PTPRS: variants seen among roughly 807,000 people sequenced by gnomAD.
PTPRS encodes protein tyrosine phosphatase receptor type S.
Under a neutral mutation model 215.3 loss-of-function variants are expected in PTPRS, and 63 were observed. The ratio of observed to expected loss-of-function variants is 0.29; its 90% CI spans 0.24 to 0.36. The LOEUF (loss-of-function observed/expected upper bound fraction) is 0.36, where lower values mean the gene tolerates loss of function less well. Among genes scored for constraint, PTPRS ranks in the 10% least tolerant of loss-of-function variants. The pLI, the probability that PTPRS is intolerant of heterozygous loss-of-function variation, is 1.00. For missense variants in PTPRS, 2,258 were observed against 2,825.8 expected (o/e 0.80, Z 4.56); for synonymous variants, 1,404 against 1,191.4 (o/e 1.18, Z -3.68).
chr19:5,208,104 G>T (rs369125705), intron 36 of PTPRS, 47 bp from the exon 37 acceptor site: 3 of 1,598,190 alleles, frequency 1.9e-6, no homozygotes, highest in Non-Finnish European at 2.6e-6. Context: ...AGGTGCTGGG[G>T]AGCCCTGATC....
intron 1 of PTPRS, among the ~76,000 whole-genome samples, chr19:5,328,976 C>T (rs372355280): frequency 2.0e-5 from 3 of 152,310 alleles, no homozygotes; most frequent in South Asian, 2.1e-4. Context: ...TGCTGGTACA[C>T]GCAGGCCAGG....
At chr19:5,309,636 G>A (rs919884140) in intron 1 of PTPRS, among the ~76,000 whole-genome samples, 9 of 152,092 alleles carry the variant, frequency 5.9e-5, no homozygotes, top group African/African-American at 2.2e-4. Flanking sequence ...CACCATCTTC[G>A]CCACCTCAGC....
Position 5,245,813 on chromosome 19 carries a change from C to G in PTPRS, c.951G>C (p.Leu317=), listed in dbSNP as rs868428680. 8 of 1,612,228 alleles carry G rather than the reference C, an allele frequency of 5.0e-6. No homozygotes were observed. The East Asian group carries it at 1.8e-4, about 36-fold the overall frequency. The change falls in exon 10 of 38, where the codon CTG becomes CTC. Residue 317 remains leucine (L), a synonymous_variant. Coordinates refer to ENST00000262963, the MANE Select transcript of PTPRS (RefSeq NM_002850.4). The part of the protein sequence containing the change: ...ANYTCVAMSS[L]GVIEAVAQIT... ...TCTGAGCAACCGCCTCAATGACGCC[C>G]AGGCTGGACATGGCCACGCAGGTGT...
chr19:5,247,096 G>A (rs1226616622), intron 9 of PTPRS, among the ~76,000 whole-genome samples: 3 of 150,116 alleles, frequency 2.0e-5, no homozygotes, highest in Non-Finnish European at 4.4e-5. Flanking sequence ...AAGAAGGGGG[G>A]GCCCACTTCA....
intron 4 of PTPRS, among the ~76,000 whole-genome samples, chr19:5,266,311 G>A (rs2046394953): frequency 6.6e-6 from 1 of 151,710 alleles, no homozygotes; most frequent in Non-Finnish European, 1.5e-5. Context: ...TAGAGATAGG[G>A]TCTCACCATG....
chr19:5,306,303 C>G (rs890881763), intron 1 of PTPRS, among the ~76,000 whole-genome samples: 4 of 152,134 alleles, frequency 2.6e-5, no homozygotes, highest in South Asian at 2.1e-4. Flanking sequence ...CGCCACCACG[C>G]CTGGCTAATT....
intron 9 of PTPRS, among the ~76,000 whole-genome samples, chr19:5,248,064 C>T (rs2044662502): frequency 9.1e-5 from 1 of 11,028 alleles, no homozygotes; most frequent in African/African-American, 3.7e-4. Context: ...TCTGGTAGGG[C>T]TGGGTGGAGG....
At chr19:5,207,461 C>A (rs193260732) in intron 37 of PTPRS, among the ~76,000 whole-genome samples, 2 of 152,324 alleles carry the variant, frequency 1.3e-5, no homozygotes, top group East Asian at 3.9e-4. Flanking sequence ...CCCACCTCAG[C>A]CTCCCAAAGT....
chr19:5,227,444 C>A (rs1324943018), intron 16 of PTPRS, among the ~76,000 whole-genome samples: 3 of 145,862 alleles, frequency 2.1e-5, no homozygotes, highest in Non-Finnish European at 4.5e-5. Flanking sequence ...CATAGAGTTT[C>A]GCTCTTGTTG....
At chr19:5,271,610 G>A (rs995601373) in intron 4 of PTPRS, among the ~76,000 whole-genome samples, 8 of 152,068 alleles carry the variant, frequency 5.3e-5, no homozygotes, top group African/African-American at 1.9e-4. Context: ...ATGTTGGCCA[G>A]GCTGGTCTCT....
intron 4 of PTPRS, among the ~76,000 whole-genome samples, chr19:5,266,616 T>C (rs1449738095): frequency 4.6e-5 from 7 of 152,024 alleles, no homozygotes; most frequent in Non-Finnish European, 8.8e-5. Flanking sequence ...CCACCTGCCG[T>C]GGCCTCCCAA....
At chr19:5,320,522 A>G (rs1004825529) in intron 1 of PTPRS, among the ~76,000 whole-genome samples, 10 of 152,072 alleles carry the variant, frequency 6.6e-5, no homozygotes, top group African/African-American at 2.4e-4. Context: ...CTCTGCCTCA[A>G]ACGATTCTCC....
At chr19:5,305,728 C>T (rs2049460275) in intron 1 of PTPRS, among the ~76,000 whole-genome samples, 1 of 119,884 alleles carries the variant, frequency 8.3e-6, no homozygotes, top group Non-Finnish European at 1.8e-5. Context: ...GACCCCGTCT[C>T]TGAAAAATAA....
rs1436176666 is a variant in PTPRS at position 5,222,118 on chromosome 19, C to T, written c.3201+5G>A. 1.2e-5 allele frequency: 19 copies of T among 1,611,736 alleles called. No homozygotes were observed. The highest frequency in any genetic ancestry group is 2.2e-5 in the South Asian group (2 of 91,040). On this transcript the variant is annotated splice_donor_5th_base_variant and intron_variant, in intron 19 of 37. Transcript: ENST00000262963. The stretch of plus-strand genomic sequence containing the variant: ...CCTGCCTGCCTGCTGGCTGGGCAGT[C>T]GCACCTTGTAGGGTGTGGGTGAGTT...
At chr19:5,211,313 A>G (rs187305266) in intron 33 of PTPRS, among the ~76,000 whole-genome samples, 25 of 152,328 alleles carry the variant, frequency 1.6e-4, no homozygotes, top group African/African-American at 5.8e-4. Context: ...AGTACTCATG[A>G]AAATAAGAAA....
chr19:5,222,318 G>C, intron 18 of PTPRS, 98 bp from the exon 19 acceptor site: 1 of 1,015,902 alleles, frequency 9.8e-7, no homozygotes, highest in South Asian at 1.4e-5. Context: ...GGGCGGCCCA[G>C]GCGCTCCCTG....
chr19:5,304,608 C>T (rs1458518973), intron 1 of PTPRS, among the ~76,000 whole-genome samples: 4 of 152,170 alleles, frequency 2.6e-5, no homozygotes, highest in Non-Finnish European at 4.4e-5. Context: ...GCGATCATGC[C>T]ACTGCTCTCC....
At chr19:5,238,822 C>A in intron 13 of PTPRS, 97 bp downstream of exon 13, 2 of 1,431,232 alleles carry the variant, frequency 1.4e-6, no homozygotes, top group Non-Finnish European at 1.8e-6. Flanking sequence ...CCCCCACCCA[C>A]TGCAGCAGGC....
At chr19:5,235,935 A>T (rs2145773078) in intron 13 of PTPRS, among the ~76,000 whole-genome samples, 1 of 152,274 alleles carries the variant, frequency 6.6e-6, no homozygotes, top group African/African-American at 2.4e-5. Flanking sequence ...GTGATAATAA[A>T]CTTCATTTTC....
Sources: allele counts gnomAD v4.1 joint callset (sites outside exome capture counted in the v4.1 genomes callset), GRCh38; gene constraint gnomAD v4.1.1; transcripts MANE v1.5; gene names NCBI Gene and HGNC (gene_info 2026-07-23, HGNC 2026-07-21).